Variants in MEIKIN observed in about 807,000 individuals in gnomAD.
MEIKIN encodes meiosis-specific kinetochore protein.
chr5:131,824,719 C>T (rs1296899442), intron 11 of MEIKIN, among the ~76,000 whole-genome samples: 1 of 151,970 alleles, frequency 6.6e-6, no homozygotes, highest in Non-Finnish European at 1.5e-5. Flanking sequence ...AAATATTGAA[C>T]AGAGGTTCAA....
At chr5:131,937,207 G>A (rs967135542) in intron 4 of MEIKIN, among the ~76,000 whole-genome samples, 1 of 152,292 alleles carries the variant, frequency 6.6e-6, no homozygotes, top group East Asian at 1.9e-4. Context: ...TCATTTCTGA[G>A]AAAAGGTACA....
chr5:131,849,414 C>A (rs1304188454), intron 11 of MEIKIN, among the ~76,000 whole-genome samples: 2 of 118,876 alleles, frequency 1.7e-5, no homozygotes, highest in African/African-American at 3.2e-5. Context: ...ATAAAGAAAC[C>A]TCTTTTCTTT....
intron 8 of MEIKIN, among the ~76,000 whole-genome samples, chr5:131,909,815 A>G (rs187286829): frequency 2.3e-3 from 343 of 152,340 alleles, no homozygotes; most frequent in Non-Finnish European, 3.9e-3. Flanking sequence ...AGGTCTATGA[A>G]AAGGTGCTCA....
At chr5:131,912,809 T>C (rs1357366154) in intron 7 of MEIKIN, among the ~76,000 whole-genome samples, 1 of 152,144 alleles carries the variant, frequency 6.6e-6, no homozygotes, top group East Asian at 1.9e-4. Context: ...ATCCAAACTC[T>C]CCTTATGCAA....
chr5:131,813,674 G>T (rs10054013), intron 12 of MEIKIN, among the ~76,000 whole-genome samples: 2,684 of 152,038 alleles, frequency 0.018, 53 homozygotes, highest in African/African-American at 0.046. Flanking sequence ...TGATCCGCCC[G>T]CCTCAGCCTC....
At chr5:131,848,930 T>G (rs1341367349) in intron 11 of MEIKIN, among the ~76,000 whole-genome samples, 1 of 152,154 alleles carries the variant, frequency 6.6e-6, no homozygotes. Context: ...ATCACTGTAA[T>G]ATACCACATA....
At chr5:131,873,070 C>T (rs2149625759) in intron 9 of MEIKIN, among the ~76,000 whole-genome samples, 1 of 152,328 alleles carries the variant, frequency 6.6e-6, no homozygotes, top group Middle Eastern at 3.4e-3. Context: ...ACCATCAAGG[C>T]TAGGAAGAAA....
intron 9 of MEIKIN, among the ~76,000 whole-genome samples, chr5:131,876,949 G>A (rs2149627693): frequency 6.8e-6 from 1 of 146,526 alleles, no homozygotes; most frequent in South Asian, 2.2e-4. Flanking sequence ...TGAACAGTGA[G>A]AACACATGGA....
intron 11 of MEIKIN, among the ~76,000 whole-genome samples, chr5:131,837,870 T>C (rs2149609709): frequency 6.6e-6 from 1 of 152,196 alleles, no homozygotes; most frequent in African/African-American, 2.4e-5. Context: ...ACCTGATTGC[T>C]CTGGCCAAGA....
rs186407513 is a variant in MEIKIN at position 131,901,409 on chromosome 5, C to G, written c.703+10406G>C. On this transcript the variant is annotated intron_variant, in intron 8 of 12. Transcript: ENST00000442687. Reference sequence around the variant, plus strand: ...CACACGGACCCCAGTGGGGCCTGTTCCCCCCTGTGCCATGCTGCCAACCCC... The same window carrying G: ...CACACGGACCCCAGTGGGGCCTGTTGCCCCCTGTGCCATGCTGCCAACCCC... Among the ~76,000 whole-genome samples the G allele has an allele frequency of 4.6e-4, 70 of 152,212 alleles. 1 individual carries two copies. In the South Asian group the frequency reaches 0.01, roughly 23 times the overall value.
Position 131,945,602 on chromosome 5 carries a change from A to C in MEIKIN, c.-97T>G, listed in dbSNP as rs930420670. ...GCTAAGTCACAGGGAGTCAGCGTCCAGGCGAGGCCCGCGGAGCAGCCTCAC... is the reference window on the plus strand; with the variant it reads ...GCTAAGTCACAGGGAGTCAGCGTCCCGGCGAGGCCCGCGGAGCAGCCTCAC... On this transcript the variant is annotated 5_prime_UTR_variant, in exon 1 of 13. Transcript: ENST00000442687. 4 of 399,146 alleles carry C rather than the reference A, an allele frequency of 1.0e-5. No individual in the cohort carries two copies. The highest frequency in any genetic ancestry group is 1.3e-5 in the Non-Finnish European group (3 of 225,562). The allele number at this position is 399,146 out of a possible 1,614,324, so 24.7% of individuals were successfully genotyped here.
intron 11 of MEIKIN, among the ~76,000 whole-genome samples, chr5:131,835,159 T>C (rs1749779872): frequency 6.6e-6 from 1 of 151,710 alleles, no homozygotes; most frequent in South Asian, 2.1e-4. Flanking sequence ...TGCTAGAGTT[T>C]TGTGTTCCAT....
chr5:131,928,281 G>T (rs1751625102), intron 5 of MEIKIN, among the ~76,000 whole-genome samples: 1 of 152,108 alleles, frequency 6.6e-6, no homozygotes, highest in African/African-American at 2.4e-5. Context: ...GATAGGTAAG[G>T]ACTTAACTAT....
intron 8 of MEIKIN, among the ~76,000 whole-genome samples, chr5:131,892,487 G>GT (rs1359255764): frequency 1.3e-5 from 2 of 151,850 alleles, no homozygotes; most frequent in Non-Finnish European, 2.9e-5. Flanking sequence ...ACTGATACCC[G>GT]TTCTTCCAGT....
At chr5:131,845,279 A>AAAAAAG (rs1749996949) in intron 11 of MEIKIN, among the ~76,000 whole-genome samples, 1 of 147,222 alleles carries the variant, frequency 6.8e-6, no homozygotes, top group Non-Finnish European at 1.5e-5. Flanking sequence ...TCTTAAAAAA[A>AAAAAAG]AAAAAAAAAA....
At chr5:131,869,621 C>T (rs1218372986) in intron 9 of MEIKIN, among the ~76,000 whole-genome samples, 3 of 152,186 alleles carry the variant, frequency 2.0e-5, no homozygotes, top group African/African-American at 7.2e-5. Context: ...TTCTGTTTCA[C>T]ATAGTTCCTT....
Position 131,865,518 on chromosome 5 carries a change from C to T in MEIKIN, c.775-10684G>A, listed in dbSNP as rs183690769. 4.3e-3 allele frequency among the ~76,000 whole-genome samples: 659 copies of T among 152,316 alleles called. 3 individuals carry two copies. The highest frequency in any genetic ancestry group is 6.9e-3 in the Non-Finnish European group (471 of 68,012). On this transcript the variant is annotated intron_variant, in intron 9 of 12. Coordinates refer to ENST00000442687, the MANE Select transcript of MEIKIN (RefSeq NM_001303622.2). ...ACAGGCATGAGCCACTGCACCCGGC[C>T]ATGAATTTCTTTTGTATTAGGATCT...
intron 11 of MEIKIN, among the ~76,000 whole-genome samples, chr5:131,819,432 GGGAGGGAGAGGA>G (rs1749438411): frequency 1.0e-5 from 1 of 99,226 alleles, no homozygotes; most frequent in African/African-American, 4.0e-5. Flanking sequence ...GAGGGAGAGG[GGGAGGGAGAGGA>G]GGAGGGACAG....
chr5:131,942,928 C>G (rs979943689), intron 3 of MEIKIN, among the ~76,000 whole-genome samples: 3 of 151,858 alleles, frequency 2.0e-5, no homozygotes, highest in African/African-American at 7.3e-5. Flanking sequence ...CAACAATATG[C>G]TAGTCAAGTA....
Sources: gnomAD v4.1 joint callset for allele counts (sites outside exome capture counted in the v4.1 genomes callset) on GRCh38, gnomAD v4.1.1 for gene constraint, MANE v1.5 for transcripts, NCBI Gene and HGNC (gene_info 2026-07-23, HGNC 2026-07-21) for gene names.